Variants in XIRP2 observed in about 807,000 individuals in gnomAD.
XIRP2 encodes the protein xin actin binding repeat containing 2.
In XIRP2, 236 loss-of-function variants were observed where a neutral mutation model predicts 277.0. That is an observed-to-expected ratio of 0.85 (90% CI 0.77 to 0.95). XIRP2 has a LOEUF of 0.95. XIRP2 is among the 40% of genes least tolerant of loss of function. XIRP2 has a pLI of 0.00. For synonymous variants in XIRP2, 1,490 were observed against 1,416.5 expected (o/e 1.05, Z -1.17); for missense variants, 4,640 against 4,157.5 (o/e 1.12, Z -3.19).
At chr2:167,039,197 GT>G (rs937567097) in intron 2 of XIRP2, among the ~76,000 whole-genome samples, 11 of 151,844 alleles carry the variant, frequency 7.2e-5, no homozygotes, top group Non-Finnish European at 1.6e-4. Flanking sequence ...ACCACAATGA[GT>G]TTAACTGTAG....
chr2:167,257,787 A>T, intron 10 of XIRP2, 70 bp from the exon 11 acceptor site: 1 of 1,465,100 alleles, frequency 6.8e-7, no homozygotes, highest in Non-Finnish European at 9.1e-7. Flanking sequence ...TCATTGAAAT[A>T]ATTAATCCCC....
chr2:167,238,009 G>T (rs1191641339), intron 5 of XIRP2, among the ~76,000 whole-genome samples: 1 of 152,106 alleles, frequency 6.6e-6, no homozygotes, highest in African/African-American at 2.4e-5. Context: ...TTGTTATATG[G>T]AATTCTGATT....
chr2:166,900,276 A>C (rs190854341), intron 1 of XIRP2, among the ~76,000 whole-genome samples: 1 of 152,032 alleles, frequency 6.6e-6, no homozygotes. Flanking sequence ...AGTCCATTCA[A>C]TGAGTTTTTA....
intron 2 of XIRP2, among the ~76,000 whole-genome samples, chr2:167,092,154 C>A (rs1574247525): frequency 6.6e-6 from 1 of 152,114 alleles, no homozygotes; most frequent in East Asian, 1.9e-4. Context: ...GTCTGGATTC[C>A]TGGAAGTAAA....
chr2:167,023,007 C>G (rs1688029785), intron 2 of XIRP2, among the ~76,000 whole-genome samples: 1 of 152,146 alleles, frequency 6.6e-6, no homozygotes, highest in Non-Finnish European at 1.5e-5. Context: ...ATTTCTAGTT[C>G]TAGATCCCTG....
chr2:166,904,753 G>T (rs1322652505), intron 2 of XIRP2, among the ~76,000 whole-genome samples: 1 of 152,060 alleles, frequency 6.6e-6, no homozygotes, highest in African/African-American at 2.4e-5. Context: ...CCTTTAGAAA[G>T]CAAAGTCCAC....
chr2:167,135,989 T>C lies in XIRP2; in HGVS notation c.489T>C (p.Asp163=). 1 of 1,612,356 alleles carries C rather than the reference T, an allele frequency of 6.2e-7. No homozygotes were observed. Among genetic ancestry groups the C allele is most frequent in the African/African-American group, 1.3e-5 (1 of 74,978 alleles). ...GCCAGCTGGAGGATTCTGTGAAAGA[T>C]TCAGACAAGAAAGGCAAGGAAACAT... ...PGSQLEDSVK[D]SDKKGKETSF... Residue 163 remains aspartate, a synonymous_variant, in exon 3 of 11, where the codon GAT becomes GAC. Transcript: ENST00000409195.
intron 2 of XIRP2, among the ~76,000 whole-genome samples, chr2:167,129,952 C>A (rs1045360121): frequency 1.3e-5 from 2 of 151,828 alleles, no homozygotes; most frequent in Admixed American, 1.3e-4. Context: ...TTGCTTTCCT[C>A]GTTTTGAAGA....
At chr2:167,031,897 C>G (rs180734132) in intron 2 of XIRP2, among the ~76,000 whole-genome samples, 23 of 152,202 alleles carry the variant, frequency 1.5e-4, no homozygotes, top group African/African-American at 5.3e-4. Flanking sequence ...TTTATAGATT[C>G]AGTGCTACCC....
At chr2:167,182,996 TA>T (rs1693057447) in intron 3 of XIRP2, among the ~76,000 whole-genome samples, 1 of 152,174 alleles carries the variant, frequency 6.6e-6, no homozygotes, top group Admixed American at 6.5e-5. Context: ...AAATGTCTCA[TA>T]GCCTAGAAAA....
At chr2:167,097,430 T>A (rs1484727900) in intron 2 of XIRP2, among the ~76,000 whole-genome samples, 1 of 152,214 alleles carries the variant, frequency 6.6e-6, no homozygotes, top group Non-Finnish European at 1.5e-5. Flanking sequence ...CATCCCTTTT[T>A]TTGAGCCTAT....
intron 3 of XIRP2, among the ~76,000 whole-genome samples, chr2:167,146,239 C>T (rs1361043438): frequency 1.3e-5 from 2 of 151,762 alleles, no homozygotes; most frequent in Non-Finnish European, 2.9e-5. Flanking sequence ...GTGGCTCATG[C>T]CTGTAATCCC....
chr2:167,196,186 A>C (rs1192498307), intron 3 of XIRP2, among the ~76,000 whole-genome samples: 1 of 152,208 alleles, frequency 6.6e-6, no homozygotes, highest in African/African-American at 2.4e-5. Context: ...ATAATATACA[A>C]CTGGAAAATT....
At position 167,218,160 on chromosome 2, in the gene XIRP2, T is replaced by G; in HGVS notation, c.724-6T>G. 1 of 1,577,926 alleles carries G rather than the reference T, an allele frequency of 6.3e-7. No homozygotes were observed. Among genetic ancestry groups the G allele is most frequent in the Non-Finnish European group, 8.6e-7 (1 of 1,163,274 alleles). ...CTGAATTTTCCTTTTTCTTAAATCA[T>G]CCTAGATGATGGAAGAATCAGAAAT... is the stretch of plus-strand genomic sequence containing the variant. On this transcript the variant is annotated splice_polypyrimidine_tract_variant and splice_region_variant and intron_variant, in intron 4 of 10. Transcript: ENST00000409195.
chr2:167,247,273 A>G lies in XIRP2; in HGVS notation c.5881A>G (p.Lys1961Glu), dbSNP rs746426814. Reference protein sequence around the residue: ...AVMAGSSGEQKTDIHQVAVQR... With the variant: ...AVMAGSSGEQETDIHQVAVQR... ...GATGGCAGGATCCTCGGGAGAGCAG[A>G]AAACAGATATTCATCAGGTTGCTGT... is the stretch of plus-strand genomic sequence containing the variant. The change falls in exon 9 of 11, where the codon AAA (lysine) becomes GAA (glutamate). Residue 1961 changes from lysine to glutamate, a missense_variant. Coordinates refer to ENST00000409195, the MANE Select transcript of XIRP2 (RefSeq NM_152381.6). 6 of 1,613,732 alleles carry G rather than the reference A, an allele frequency of 3.7e-6. No homozygotes were observed. The East Asian group carries it at 1.3e-4, about 36-fold the overall frequency.
chr2:166,916,495 A>AT (rs1480911707), intron 2 of XIRP2, among the ~76,000 whole-genome samples: 1 of 152,208 alleles, frequency 6.6e-6, no homozygotes, highest in Admixed American at 6.5e-5. Context: ...TGAAAAATAT[A>AT]TGTCTACCAA....
At chr2:166,996,109 G>A (rs1479618418) in intron 2 of XIRP2, among the ~76,000 whole-genome samples, 1 of 152,166 alleles carries the variant, frequency 6.6e-6, no homozygotes, top group East Asian at 1.9e-4. Context: ...GGCTCCTTGA[G>A]GGCAAGGGTT....
intron 3 of XIRP2, chr2:167,187,326 T>C: frequency 1.0e-6 from 1 of 985,370 alleles, no homozygotes; most frequent in Non-Finnish European, 1.2e-6. Context: ...GTTGCATCCT[T>C]TAGACGCTCT....
At chr2:167,190,663 G>A (rs1337200002) in intron 3 of XIRP2, among the ~76,000 whole-genome samples, 2 of 151,982 alleles carry the variant, frequency 1.3e-5, no homozygotes, top group Non-Finnish European at 2.9e-5. Context: ...ATCAGTAAGA[G>A]CACAAAAAAC....
Sources: allele counts gnomAD v4.1 joint callset (sites outside exome capture counted in the v4.1 genomes callset), GRCh38; gene constraint gnomAD v4.1.1; transcripts MANE v1.5; gene names NCBI Gene and HGNC (gene_info 2026-07-23, HGNC 2026-07-21).